NUMB: variants seen among roughly 807,000 people sequenced by gnomAD.
NUMB encodes the protein NUMB endocytic adaptor protein.
A neutral mutation model predicts 59.7 loss-of-function variants in NUMB; 29 were observed. The ratio of observed to expected loss-of-function variants is 0.49; its 90% CI spans 0.36 to 0.66. The LOEUF (loss-of-function observed/expected upper bound fraction) is 0.66, where lower values mean the gene tolerates loss of function less well. Among genes scored for constraint, NUMB ranks in the 30% least tolerant of loss-of-function variants. The pLI is 0.00. For missense variants in NUMB, 723 were observed against 822.0 expected (o/e 0.88, Z 1.47); for synonymous variants, 288 against 288.2 (o/e 1.00, Z 0.01).
At chr14:73,323,050 C>G in intron 5 of NUMB, 80 bp downstream of exon 5, 1 of 1,019,240 alleles carries the variant, frequency 9.8e-7, no homozygotes, top group Non-Finnish European at 1.5e-6. Context: ...TTTACTGGGT[C>G]ACTAAAATGT....
chr14:73,352,437 CACACACACACACACACACACAT>C (rs59574418), intron 4 of NUMB, among the ~76,000 whole-genome samples: 1,284 of 25,348 alleles, frequency 0.051, 58 homozygotes, highest in East Asian at 0.13. Flanking sequence ...TATATATACA[CACACACACACACACACACACAT>C]ACACACACAC....
chr14:73,280,352 G>C (rs543613593), intron 11 of NUMB, among the ~76,000 whole-genome samples: 1 of 151,724 alleles, frequency 6.6e-6, no homozygotes, highest in South Asian at 2.1e-4. Flanking sequence ...TTGCTTGATA[G>C]ATTTCTAATT....
At chr14:73,285,611 A>C (rs1407388479) in intron 9 of NUMB, 1 of 152,072 alleles carries the variant, frequency 6.6e-6, no homozygotes, top group Non-Finnish European at 1.5e-5. Context: ...GGTCAGTATT[A>C]GTCAATGATG....
At chr14:73,447,227 G>A (rs533518106) in intron 1 of NUMB, among the ~76,000 whole-genome samples, 4 of 150,208 alleles carry the variant, frequency 2.7e-5, no homozygotes, top group East Asian at 2.0e-4. Context: ...AGTGGCTCAC[G>A]CCTGTAATCT....
chr14:73,437,419 G>T (rs547339431), intron 1 of NUMB, among the ~76,000 whole-genome samples: 2 of 152,244 alleles, frequency 1.3e-5, no homozygotes, highest in Admixed American at 6.5e-5. Flanking sequence ...GAAGAGACTG[G>T]CTTAAAATGA....
intron 4 of NUMB, among the ~76,000 whole-genome samples, chr14:73,328,214 G>A (rs115887987): frequency 0.032 from 4,919 of 151,730 alleles, 300 homozygotes; most frequent in African/African-American, 0.11. Context: ...GGCAGAGGTT[G>A]CGGTGAGCCA....
At chr14:73,457,568 T>G (rs1047355450) in intron 1 of NUMB, 1 of 152,114 alleles carries the variant, frequency 6.6e-6, no homozygotes, top group African/African-American at 2.4e-5. Context: ...CCCATCTCCG[T>G]CCCATTTTGC....
intron 2 of NUMB, among the ~76,000 whole-genome samples, chr14:73,369,953 T>C (rs1026508438): frequency 6.6e-5 from 10 of 152,228 alleles, no homozygotes; most frequent in Non-Finnish European, 1.3e-4. Flanking sequence ...TTTGCTTATA[T>C]TGAATTTTAT....
chr14:73,385,496 C>CT (rs35526624), intron 2 of NUMB, among the ~76,000 whole-genome samples: 17,840 of 65,358 alleles, frequency 0.27, 2,475 homozygotes, highest in East Asian at 0.59. Flanking sequence ...GGCTAGTGGC[C>CT]TTTTTTTTTT....
In NUMB at chr14:73,283,223, A is replaced by G. The variant is rs76122027; in HGVS notation, c.950-718T>C. Among the ~76,000 whole-genome samples the G allele has an allele frequency of 2.4e-3, 370 of 152,304 alleles. 3 individuals are homozygous for G. The highest frequency in any genetic ancestry group is 8.4e-3 in the African/African-American group (351 of 41,574). On this transcript the variant is annotated intron_variant, in intron 10 of 12. Transcript: ENST00000555238. ...CCTGTCTGCCCTAGAAGGAGACTGAACTGAAATGAGGTACCTCAGCTGAGA... is the reference window on the plus strand; with the variant it reads ...CCTGTCTGCCCTAGAAGGAGACTGAGCTGAAATGAGGTACCTCAGCTGAGA...
At chr14:73,426,924 G>A (rs916716849) in intron 1 of NUMB, among the ~76,000 whole-genome samples, 3 of 152,110 alleles carry the variant, frequency 2.0e-5, no homozygotes, top group Non-Finnish European at 4.4e-5. Context: ...CTGAGATGGA[G>A]GATCACTTGA....
chr14:73,369,873 C>A lies in NUMB; in HGVS notation c.-100-2892G>T, dbSNP rs1328792480. ...TCCTAGAAGCTCCTCTATGTTCCTG[C>A]TTCCAGTCACTTCCTGTTCCCCTAC... On this transcript the variant is annotated intron_variant, in intron 2 of 12. Transcript: ENST00000555238. Among the ~76,000 whole-genome samples the A allele has an allele frequency of 2.0e-5, 3 of 152,192 alleles. No individual in the cohort carries two copies. The East Asian group carries it at 5.8e-4, about 29-fold the overall frequency.
At chr14:73,391,465 T>A (rs1305530268) in intron 2 of NUMB, among the ~76,000 whole-genome samples, 1 of 152,116 alleles carries the variant, frequency 6.6e-6, no homozygotes, top group Non-Finnish European at 1.5e-5. Context: ...GTTTATTATT[T>A]AATTAAATAA....
intron 1 of NUMB, among the ~76,000 whole-genome samples, chr14:73,424,440 T>C (rs1188621931): frequency 6.6e-6 from 1 of 152,164 alleles, no homozygotes; most frequent in African/African-American, 2.4e-5. Flanking sequence ...TTATAAAATC[T>C]TGCCGTAACT....
chr14:73,339,221 G>C (rs1466395660), intron 4 of NUMB, among the ~76,000 whole-genome samples: 1 of 152,158 alleles, frequency 6.6e-6, no homozygotes, highest in African/African-American at 2.4e-5. Flanking sequence ...ATTTCAGATA[G>C]TATAAGGAAT....
At chr14:73,332,789 C>T (rs1173254152) in intron 4 of NUMB, among the ~76,000 whole-genome samples, 1 of 37,642 alleles carries the variant, frequency 2.7e-5, no homozygotes, top group African/African-American at 1.7e-4. Context: ...CCCCCGGCAA[C>T]TACCAATCTG....
chr14:73,419,430 A>C (rs1566789196), intron 1 of NUMB, among the ~76,000 whole-genome samples: 1 of 152,030 alleles, frequency 6.6e-6, no homozygotes, highest in Non-Finnish European at 1.5e-5. Context: ...AATGGCATGA[A>C]CCCGGGAGGC....
At chr14:73,339,799 G>A (rs1594924009) in intron 4 of NUMB, among the ~76,000 whole-genome samples, 2 of 152,206 alleles carry the variant, frequency 1.3e-5, no homozygotes, top group South Asian at 4.1e-4. Context: ...TTTAGAACTG[G>A]CAAAGGCTAT....
chr14:73,308,869 G>A (rs917149209), intron 6 of NUMB, among the ~76,000 whole-genome samples: 8 of 152,316 alleles, frequency 5.3e-5, no homozygotes, highest in South Asian at 4.1e-4. Flanking sequence ...TGAGTAAGGC[G>A]ATAGGACTAC....
Sources: gnomAD v4.1 joint callset for allele counts (sites outside exome capture counted in the v4.1 genomes callset) on GRCh38, gnomAD v4.1.1 for gene constraint, MANE v1.5 for transcripts, NCBI Gene and HGNC (gene_info 2026-07-23, HGNC 2026-07-21) for gene names.